SLC35D4: variants seen among roughly 807,000 people sequenced by gnomAD.
SLC35D4 encodes UDP-N-acetylglucosamine transporter SLC35D4.
At chr18:23,304,078 G>T in the SLC35D4 span, among the ~76,000 whole-genome samples, 1 of 148,450 alleles carries the variant, frequency 6.7e-6, no homozygotes, top group Non-Finnish European at 1.5e-5. Flanking sequence ...AAATCATCCT[G>T]GCTAACACGG....
chr18:23,251,561 T>TTTTTTCTGG, the SLC35D4 span, among the ~76,000 whole-genome samples: 8 of 152,176 alleles, frequency 5.3e-5, no homozygotes, highest in African/African-American at 1.7e-4. Context: ...AGAAAAAAAT[T>TTTTTTCTGG]GTTTAATTCA....
At chr18:23,411,515 A>AAGAAAGAG in the SLC35D4 span, among the ~76,000 whole-genome samples, 1 of 151,072 alleles carries the variant, frequency 6.6e-6, no homozygotes, top group South Asian at 2.1e-4. Flanking sequence ...GAAAGAAAGA[A>AAGAAAGAG]AGAAAGAAAG....
the SLC35D4 span, among the ~76,000 whole-genome samples, chr18:23,251,150 T>C: frequency 6.6e-5 from 10 of 152,182 alleles, no homozygotes; most frequent in Non-Finnish European, 1.2e-4. Flanking sequence ...GAGCTTTGAC[T>C]GATTAAGATT....
the SLC35D4 span, among the ~76,000 whole-genome samples, chr18:23,332,946 T>G: frequency 6.6e-6 from 1 of 152,218 alleles, no homozygotes; most frequent in African/African-American, 2.4e-5. Flanking sequence ...GTCTCCGAAA[T>G]GCTGGGCTGC....
chr18:23,248,774 G>A, the SLC35D4 span, among the ~76,000 whole-genome samples: 2 of 152,164 alleles, frequency 1.3e-5, no homozygotes, highest in African/African-American at 4.8e-5. Flanking sequence ...GCAGTGATCT[G>A]AGATCACACC....
the SLC35D4 span, among the ~76,000 whole-genome samples, chr18:23,434,204 T>A: frequency 1.3e-5 from 2 of 152,052 alleles, no homozygotes; most frequent in African/African-American, 4.8e-5. Flanking sequence ...CTCTCCCATC[T>A]CCTCTCCTCC....
chr18:23,431,730 G>GT, the SLC35D4 span, among the ~76,000 whole-genome samples: 2 of 151,976 alleles, frequency 1.3e-5, no homozygotes, highest in East Asian at 3.9e-4. Flanking sequence ...TTTCTCTTAT[G>GT]TATATTTATG....
At chr18:23,305,056 G>A in the SLC35D4 span, among the ~76,000 whole-genome samples, 5 of 152,154 alleles carry the variant, frequency 3.3e-5, no homozygotes, top group Non-Finnish European at 7.3e-5. Context: ...CACATACTGT[G>A]CATACAGCAG....
At chr18:23,436,909 G>T in the SLC35D4 span, among the ~76,000 whole-genome samples, 1 of 152,228 alleles carries the variant, frequency 6.6e-6, no homozygotes, top group Non-Finnish European at 1.5e-5. Flanking sequence ...GCTGTTTGTC[G>T]ATGGTTCTTT....
At chr18:23,251,125 C>T in the SLC35D4 span, among the ~76,000 whole-genome samples, 3 of 152,202 alleles carry the variant, frequency 2.0e-5, no homozygotes, top group Non-Finnish European at 2.9e-5. Context: ...CAAAATCTGT[C>T]ATTTCTTCTT....
the SLC35D4 span, among the ~76,000 whole-genome samples, chr18:23,304,276 CA>C: frequency 0.22 from 16,648 of 77,282 alleles, 1,032 homozygotes; most frequent in African/African-American, 0.32. Flanking sequence ...GACTCCGTAT[CA>C]AAAAAAAAAA....
the SLC35D4 span, among the ~76,000 whole-genome samples, chr18:23,298,383 C>A: frequency 6.6e-6 from 1 of 152,224 alleles, no homozygotes; most frequent in Non-Finnish European, 1.5e-5. Flanking sequence ...GAAACACAGA[C>A]TTCTGGCAGG....
At chr18:23,250,369 G>A in the SLC35D4 span, among the ~76,000 whole-genome samples, 1 of 152,172 alleles carries the variant, frequency 6.6e-6, no homozygotes, top group African/African-American at 2.4e-5. Flanking sequence ...GAAGCTGGAG[G>A]AAGGTGCTGA....
chr18:23,375,721 C>T, the SLC35D4 span, among the ~76,000 whole-genome samples: 1 of 152,172 alleles, frequency 6.6e-6, no homozygotes, highest in South Asian at 2.1e-4. Context: ...TCATTCATTA[C>T]ATTATTCTGT....
chr18:23,408,110 C>T, the SLC35D4 span, among the ~76,000 whole-genome samples: 1 of 150,370 alleles, frequency 6.7e-6, no homozygotes, highest in African/African-American at 2.5e-5. Context: ...TCCTTCTTAC[C>T]CACTCTCTAT....
At chr18:23,423,421 G>A in the SLC35D4 span, among the ~76,000 whole-genome samples, 133 of 152,342 alleles carry the variant, frequency 8.7e-4, 1 homozygote, top group Admixed American at 8.6e-3. Context: ...CTAGAGAAAT[G>A]TTTGGTTGTT....
chr18:23,253,749 A>G, the SLC35D4 span: 1 of 1,614,176 alleles, frequency 6.2e-7, no homozygotes, highest in Non-Finnish European at 8.5e-7. Context: ...GAGATGCGGA[A>G]GCTTGCGCAG....
At chr18:23,322,378 G>A in the SLC35D4 span, among the ~76,000 whole-genome samples, 6 of 152,256 alleles carry the variant, frequency 3.9e-5, no homozygotes, top group East Asian at 1.9e-4. Context: ...TTTATATCCC[G>A]AGAAAGGAGG....
the SLC35D4 span, among the ~76,000 whole-genome samples, chr18:23,430,272 C>T: frequency 2.6e-5 from 4 of 151,224 alleles, no homozygotes; most frequent in African/African-American, 9.7e-5. Context: ...CAGTGTCTTG[C>T]TATGTTGCCC....
Sources: gnomAD v4.1 joint callset for allele counts (sites outside exome capture counted in the v4.1 genomes callset) on GRCh38, gnomAD v4.1.1 for gene constraint, MANE v1.5 for transcripts, NCBI Gene and HGNC (gene_info 2026-07-23, HGNC 2026-07-21) for gene names.